Variants in POFUT3 observed in about 807,000 individuals in gnomAD.
POFUT3 encodes GDP-fucose protein O-fucosyltransferase 3.
chr8:33,409,318 G>A, the POFUT3 span, among the ~76,000 whole-genome samples: 10 of 152,092 alleles, frequency 6.6e-5, no homozygotes, highest in African/African-American at 2.4e-4. Context: ...GGCCAGGCTT[G>A]TCTCGAACCC....
the POFUT3 span, among the ~76,000 whole-genome samples, chr8:33,437,977 T>C: frequency 6.6e-6 from 1 of 152,204 alleles, no homozygotes. Context: ...ATGTCAAATT[T>C]AGACACCTGT....
the POFUT3 span, among the ~76,000 whole-genome samples, chr8:33,418,512 G>T: frequency 6.6e-6 from 1 of 151,054 alleles, no homozygotes; most frequent in East Asian, 2.0e-4. Context: ...CACGTTGGCT[G>T]GGCTGGTCTC....
chr8:33,459,332 C>G, the POFUT3 span, among the ~76,000 whole-genome samples: 1 of 151,828 alleles, frequency 6.6e-6, no homozygotes, highest in Admixed American at 6.6e-5. Flanking sequence ...AAAAGCAAAA[C>G]TCCACTCAAA....
chr8:33,385,954 G>A, the POFUT3 span, among the ~76,000 whole-genome samples: 29,843 of 151,444 alleles, frequency 0.2, 3,499 homozygotes, highest in East Asian at 0.46. Context: ...TTGGGAGGCC[G>A]AGGCCGGTGG....
the POFUT3 span, among the ~76,000 whole-genome samples, chr8:33,456,145 C>G: frequency 1.3e-5 from 2 of 152,090 alleles, no homozygotes; most frequent in Non-Finnish European, 2.9e-5. Context: ...CACAAACTAT[C>G]TTTTCATCTG....
chr8:33,435,262 G>A, the POFUT3 span, among the ~76,000 whole-genome samples: 1 of 149,294 alleles, frequency 6.7e-6, no homozygotes, highest in South Asian at 2.1e-4. Flanking sequence ...CTGTCACCCA[G>A]GCTGGAGGGC....
chr8:33,321,068 C>T, the POFUT3 span, among the ~76,000 whole-genome samples: 3 of 152,072 alleles, frequency 2.0e-5, no homozygotes, highest in African/African-American at 7.2e-5. Context: ...AAAATACACT[C>T]ACTCCTTCTA....
chr8:33,350,179 T>C, the POFUT3 span, among the ~76,000 whole-genome samples: 1 of 152,210 alleles, frequency 6.6e-6, no homozygotes, highest in Non-Finnish European at 1.5e-5. Context: ...GTCAGATACA[T>C]AGTTTGCAAG....
the POFUT3 span, among the ~76,000 whole-genome samples, chr8:33,391,807 T>C: frequency 3.0e-4 from 45 of 152,176 alleles, no homozygotes; most frequent in African/African-American, 1.1e-3. Flanking sequence ...GGGTCCAGAA[T>C]TAACTGGGGG....
chr8:33,430,355 G>A, the POFUT3 span, among the ~76,000 whole-genome samples: 1 of 152,106 alleles, frequency 6.6e-6, no homozygotes, highest in Non-Finnish European at 1.5e-5. Flanking sequence ...AAATTTAGAG[G>A]CTTAAAGGAA....
the POFUT3 span, among the ~76,000 whole-genome samples, chr8:33,336,536 CT>C: frequency 6.6e-6 from 1 of 152,134 alleles, no homozygotes; most frequent in Non-Finnish European, 1.5e-5. Context: ...GTCTCATAAG[CT>C]AGTAGGAGCC....
chr8:33,429,771 G>A, the POFUT3 span, among the ~76,000 whole-genome samples: 7 of 152,180 alleles, frequency 4.6e-5, no homozygotes, highest in East Asian at 5.8e-4. Context: ...CGAGATGGGC[G>A]GATCACTTGA....
the POFUT3 span, among the ~76,000 whole-genome samples, chr8:33,323,716 G>A: frequency 3.9e-5 from 6 of 152,122 alleles, no homozygotes; most frequent in Non-Finnish European, 7.4e-5. Context: ...CAGCCACCCC[G>A]GGATTTAGAT....
At chr8:33,369,132 T>C in the POFUT3 span, among the ~76,000 whole-genome samples, 1 of 152,214 alleles carries the variant, frequency 6.6e-6, no homozygotes, top group Non-Finnish European at 1.5e-5. Flanking sequence ...CAGATAGCTG[T>C]AACCACTACA....
chr8:33,442,554 G>A, the POFUT3 span, among the ~76,000 whole-genome samples: 31 of 152,136 alleles, frequency 2.0e-4, no homozygotes, highest in Non-Finnish European at 4.1e-4. Flanking sequence ...AAAGTGCTGG[G>A]ATTACAGGCA....
chr8:33,356,242 G>A, the POFUT3 span, among the ~76,000 whole-genome samples: 6 of 152,240 alleles, frequency 3.9e-5, no homozygotes, highest in South Asian at 8.3e-4. Context: ...CTGAGGAATC[G>A]CCACACTCAC....
the POFUT3 span, among the ~76,000 whole-genome samples, chr8:33,382,419 T>C: frequency 1.3e-5 from 2 of 151,782 alleles, no homozygotes; most frequent in African/African-American, 4.8e-5. Context: ...CATAGATTCC[T>C]GAAGAAAAAC....
the POFUT3 span, among the ~76,000 whole-genome samples, chr8:33,390,621 T>C: frequency 6.7e-6 from 1 of 149,350 alleles, no homozygotes; most frequent in African/African-American, 2.5e-5. Context: ...ATTTTTTTAA[T>C]CCAAAATGAT....
chr8:33,370,477 G>A, the POFUT3 span, among the ~76,000 whole-genome samples: 2 of 152,196 alleles, frequency 1.3e-5, no homozygotes, highest in Non-Finnish European at 1.5e-5. Flanking sequence ...TGTGAGGGAC[G>A]TTGCTTTCTT....
Sources: allele counts gnomAD v4.1 joint callset (sites outside exome capture counted in the v4.1 genomes callset), GRCh38; gene constraint gnomAD v4.1.1; transcripts MANE v1.5; gene names NCBI Gene and HGNC (gene_info 2026-07-23, HGNC 2026-07-21).